The following NRCAM variants were observed in gnomAD, a reference collection of about 807,000 sequenced individuals.
NRCAM encodes neuronal cell adhesion molecule.
NRCAM carries 83 observed loss-of-function variants against 156.5 expected under a neutral mutation model. That is an observed-to-expected ratio of 0.53 (90% CI 0.44 to 0.64). NRCAM has a LOEUF of 0.64. Ranked by LOEUF, NRCAM falls within the 30% of genes least tolerant of loss-of-function variation. The pLI is 0.00. For missense variants in NRCAM, 1,417 were observed against 1,597.3 expected, an observed-to-expected ratio of 0.89 and a Z score of 1.92; for synonymous variants, 538 against 563.9, an observed-to-expected ratio of 0.95 and a Z score of 0.65.
chr7:108,353,471 C>T (rs548163785), intron 2 of NRCAM, among the ~76,000 whole-genome samples: 1 of 134,032 alleles, frequency 7.5e-6, no homozygotes. Context: ...AGGCATGTGC[C>T]ACCACACCCA....
At chr7:108,390,740 T>C (rs2154374906) in intron 2 of NRCAM, among the ~76,000 whole-genome samples, 1 of 152,332 alleles carries the variant, frequency 6.6e-6, no homozygotes, top group Middle Eastern at 3.4e-3. Context: ...ACACACTGCT[T>C]TAAATGTGTC....
intron 1 of NRCAM, among the ~76,000 whole-genome samples, chr7:108,413,901 G>A (rs1445657996): frequency 6.6e-6 from 1 of 152,074 alleles, no homozygotes; most frequent in African/African-American, 2.4e-5. Context: ...ACCATCAGCT[G>A]TCTCAGCCTC....
At chr7:108,316,527 G>A (rs576379560) in intron 2 of NRCAM, among the ~76,000 whole-genome samples, 1 of 152,038 alleles carries the variant, frequency 6.6e-6, no homozygotes, top group Non-Finnish European at 1.5e-5. Context: ...TGTAATCCCA[G>A]CACTTTGGGA....
intron 11 of NRCAM, among the ~76,000 whole-genome samples, chr7:108,221,405 T>G (rs1002318008): frequency 6.6e-6 from 1 of 152,196 alleles, no homozygotes; most frequent in Admixed American, 6.5e-5. Context: ...ACACGCATGT[T>G]TATAGCATCA....
At chr7:108,168,213 GT>G in intron 29 of NRCAM, 63 bp downstream of exon 29, 4 of 1,419,898 alleles carry the variant, frequency 2.8e-6, no homozygotes, top group Non-Finnish European at 3.7e-6. Context: ...TCTTAAGAAT[GT>G]TTTTAATCTT....
chr7:108,181,950 C>A lies in NRCAM; in HGVS notation c.2531-13G>T, dbSNP rs1385484585. 1 of 1,566,972 alleles carries A rather than the reference C, an allele frequency of 6.4e-7. No individual in the cohort carries two copies. ...GCCACCATTGGGACTAGGAAAAGGA[C>A]AGGGAAGTGGTAGAAGTATCAATGT... On this transcript the variant is annotated splice_polypyrimidine_tract_variant and intron_variant, in intron 23 of 32. Coordinates refer to ENST00000379028, the MANE Select transcript of NRCAM (RefSeq NM_001037132.4).
At chr7:108,270,378 A>C (rs1212139939) in intron 3 of NRCAM, among the ~76,000 whole-genome samples, 4 of 152,234 alleles carry the variant, frequency 2.6e-5, no homozygotes, top group Non-Finnish European at 4.4e-5. Context: ...TGGAGGCTTA[A>C]TAATAATTCA....
intron 2 of NRCAM, among the ~76,000 whole-genome samples, chr7:108,361,398 A>C (rs2099549547): frequency 6.6e-6 from 1 of 152,218 alleles, no homozygotes; most frequent in African/African-American, 2.4e-5. Context: ...TTAACATTTA[A>C]ATCAGTAGTC....
chr7:108,226,219 T>G lies in NRCAM; in HGVS notation c.710A>C (p.Lys237Thr). Reference sequence around the variant, plus strand: ...AGCTGAACTCTTACCTGAAATCACCTTCACAGAAATAGGTTGCTTCTGCTG... The same window carrying G: ...AGCTGAACTCTTACCTGAAATCACCGTCACAGAAATAGGTTGCTTCTGCTG... ...TIQQKQPISV[K>T]VISVDELNDT... is the part of the protein sequence containing the mutation. The change falls in exon 9 of 33, where the codon AAG (lysine) becomes ACG (threonine). Residue 237 changes from lysine (K) to threonine (T), a missense_variant. Lys to Thr is a moderately conservative substitution (Grantham distance 78). Coordinates refer to ENST00000379028, the MANE Select transcript of NRCAM (RefSeq NM_001037132.4). 6.3e-7 allele frequency: 1 copy of G among 1,592,900 alleles called. No individual in the cohort carries two copies. The highest frequency in any genetic ancestry group is 8.5e-7 in the Non-Finnish European group (1 of 1,173,896).
chr7:108,166,852 C>A, intron 30 of NRCAM, 69 bp downstream of exon 30: 1 of 1,471,432 alleles, frequency 6.8e-7, no homozygotes, highest in South Asian at 1.2e-5. Flanking sequence ...CAGCCCCCAT[C>A]TCCAGCTGGA....
chr7:108,348,905 GA>G (rs60746037), intron 2 of NRCAM, among the ~76,000 whole-genome samples: 31,316 of 125,984 alleles, frequency 0.25, 3,844 homozygotes, highest in Middle Eastern at 0.31. Context: ...TCCATCTCAG[GA>G]AAAAAAAAAA....
rs560352132 is a variant in NRCAM at position 108,184,754 on chromosome 7, A to G, written c.2036-140T>C. 1.0e-4 allele frequency: 67 copies of G among 648,170 alleles called. 1 individual carries two copies. In the South Asian group the frequency reaches 1.1e-3, roughly 10 times the overall value. The allele number at this position is 648,170 out of a possible 1,614,324, so 40.2% of individuals were successfully genotyped here. A position where few individuals can be genotyped will look rare whatever the true frequency, so the allele number is the denominator to read the frequency against. On this transcript the variant is annotated intron_variant, in intron 20 of 32. Transcript: ENST00000379028. ...TTACTTTCAAGAAAAATGCCATTAAAATATTTTGATTTCAGAGTTGTCATT... is the reference window on the plus strand; with the variant it reads ...TTACTTTCAAGAAAAATGCCATTAAGATATTTTGATTTCAGAGTTGTCATT...
At chr7:108,157,968 G>C (rs2046568605) in intron 32 of NRCAM, among the ~76,000 whole-genome samples, 1 of 152,054 alleles carries the variant, frequency 6.6e-6, no homozygotes, top group Non-Finnish European at 1.5e-5. Flanking sequence ...ATATCCTGTA[G>C]ATAATTACAG....
intron 24 of NRCAM, among the ~76,000 whole-genome samples, chr7:108,181,473 T>G (rs2063432620): frequency 6.6e-6 from 1 of 152,264 alleles, no homozygotes; most frequent in South Asian, 2.1e-4. Flanking sequence ...TAATTTTGTG[T>G]GTTCAACACA....
chr7:108,395,084 A>G (rs1467550921), intron 2 of NRCAM, among the ~76,000 whole-genome samples: 2 of 152,356 alleles, frequency 1.3e-5, no homozygotes, highest in East Asian at 3.9e-4. Context: ...TGAATTAGAA[A>G]TAAATCCCCA....
At chr7:108,254,717 T>C (rs558479814) in intron 3 of NRCAM, among the ~76,000 whole-genome samples, 17 of 152,028 alleles carry the variant, frequency 1.1e-4, no homozygotes, top group African/African-American at 4.1e-4. Flanking sequence ...ACCCACCTAG[T>C]TTTTTTTATT....
chr7:108,264,025 T>C (rs1384431979), intron 3 of NRCAM, among the ~76,000 whole-genome samples: 2 of 152,218 alleles, frequency 1.3e-5, no homozygotes, highest in Admixed American at 1.3e-4. Context: ...TCACTCTGGC[T>C]GGAATGCAGT....
At chr7:108,157,669 C>A (rs1354299012) in intron 32 of NRCAM, among the ~76,000 whole-genome samples, 1 of 152,072 alleles carries the variant, frequency 6.6e-6, no homozygotes, top group Non-Finnish European at 1.5e-5. Flanking sequence ...CAAATATCAA[C>A]CTTGATTTTA....
intron 1 of NRCAM, among the ~76,000 whole-genome samples, chr7:108,428,485 T>A (rs952768168): frequency 2.0e-5 from 3 of 152,154 alleles, no homozygotes; most frequent in African/African-American, 7.2e-5. Context: ...ACCTTTCAGC[T>A]TGTGAGAAGA....
Sources: allele counts gnomAD v4.1 joint callset (sites outside exome capture counted in the v4.1 genomes callset), GRCh38; gene constraint gnomAD v4.1.1; transcripts MANE v1.5; gene names NCBI Gene and HGNC (gene_info 2026-07-23, HGNC 2026-07-21).